CATSPERD: variants seen among roughly 807,000 people sequenced by gnomAD.
The protein encoded by CATSPERD is catsper channel auxiliary subunit delta, also known as cation channel sperm-associated auxiliary subunit delta.
Under a neutral mutation model 98.1 loss-of-function variants are expected in CATSPERD, and 86 were observed. The ratio of observed to expected loss-of-function variants is 0.88; its 90% CI spans 0.74 to 1.05. The LOEUF is 1.05. Among genes scored for constraint, CATSPERD ranks in the 50% least tolerant of loss-of-function variants. The probability of loss-of-function intolerance (pLI) is 0.00; values close to 1 mark genes in which losing one functional copy is unlikely to be tolerated. For missense variants in CATSPERD, 995 were observed against 1,005.7 expected (o/e 0.99, Z 0.14); for synonymous variants, 394 against 390.2 (o/e 1.01, Z -0.12).
At chr19:5,757,297 CT>C (rs77064500) in intron 13 of CATSPERD, among the ~76,000 whole-genome samples, 93,587 of 119,304 alleles carry the variant, frequency 0.78, 35,755 homozygotes, top group South Asian at 0.86. Context: ...TTTTCAACTT[CT>C]TTTTTTTTTT....
In CATSPERD at chr19:5,765,518, A is replaced by G. The variant is rs73546710; in HGVS notation, c.1507-585A>G. 5.2e-3 allele frequency among the ~76,000 whole-genome samples: 789 copies of G among 151,906 alleles called. 4 individuals are homozygous for G. Among genetic ancestry groups the G allele is most frequent in the African/African-American group, 0.017 (710 of 41,424 alleles). On this transcript the variant is annotated intron_variant, in intron 16 of 21. Transcript: ENST00000381624. Reference sequence around the variant, plus strand: ...GTACCAGGGATCATGCTGGGCTCATAAATTAGTTCTGGGCCTGGCATGGTG... The same window carrying G: ...GTACCAGGGATCATGCTGGGCTCATGAATTAGTTCTGGGCCTGGCATGGTG...
rs1220385912 is a variant in CATSPERD, at chr19:5,759,141, C to A, written c.1424C>A (p.Ser475Tyr). 2 of 1,613,680 alleles carry A rather than the reference C, an allele frequency of 1.2e-6. No homozygotes were observed. Among genetic ancestry groups the A allele is most frequent in the Non-Finnish European group, 8.5e-7 (1 of 1,179,844 alleles). ...HWGRTDSNFT[S>Y]SLKKATMSTL... ...GGCAGGACCGACTCCAACTTCACTT[C>A]CAGGTATGTTGTCTCCTGGGAGAGG... Residue 475 changes from serine to tyrosine, a missense_variant, in exon 15 of 22, where the codon TCC becomes TAC. Ser to Tyr is a moderately radical substitution (Grantham distance 144). Around this residue, in one of 3 missense-constraint regions of CATSPERD, gnomAD observed 762 missense variants for 773.7 expected, o/e 0.98. Transcript: ENST00000381624.
intron 5 of CATSPERD, among the ~76,000 whole-genome samples, chr19:5,736,619 CA>C (rs2055851228): frequency 2.6e-5 from 4 of 152,052 alleles, no homozygotes; most frequent in Non-Finnish European, 5.9e-5. Context: ...GAGGCTGAGG[CA>C]GGAGAATCGT....
At chr19:5,754,092 C>T in intron 12 of CATSPERD, 40 bp from the exon 13 acceptor site, 1 of 1,388,092 alleles carries the variant, frequency 7.2e-7, no homozygotes, top group Non-Finnish European at 1.0e-6. Flanking sequence ...TTTATGGGAA[C>T]AGGAGCATGA....
chr19:5,761,864 T>C (rs1393728314), intron 15 of CATSPERD, among the ~76,000 whole-genome samples: 1 of 150,972 alleles, frequency 6.6e-6, no homozygotes, highest in Admixed American at 6.7e-5. Flanking sequence ...TAGCTGGGAC[T>C]ACAGGCGTGT....
At chr19:5,769,591 G>A (rs1263212210) in intron 18 of CATSPERD, among the ~76,000 whole-genome samples, 2 of 152,062 alleles carry the variant, frequency 1.3e-5, no homozygotes, top group Non-Finnish European at 2.9e-5. Flanking sequence ...ACACTTCCAT[G>A]TGATTTGTAA....
chr19:5,746,761 G>A (rs2056102789), intron 9 of CATSPERD, among the ~76,000 whole-genome samples: 1 of 151,942 alleles, frequency 6.6e-6, no homozygotes, highest in South Asian at 2.1e-4. Context: ...AAGGCTAATG[G>A]TTGTATTCCT....
intron 16 of CATSPERD, among the ~76,000 whole-genome samples, chr19:5,764,464 T>C (rs8112495): frequency 0.82 from 124,144 of 150,674 alleles, 51,316 homozygotes; most frequent in Non-Finnish European, 0.86. Flanking sequence ...TACAGGCGCC[T>C]GCCACCATGC....
Position 5,754,103 on chromosome 19 carries a change from T to C in CATSPERD, c.1165-29T>C, listed in dbSNP as rs777354438. Reference sequence around the variant, plus strand: ...TTTCTTTATGGGAACAGGAGCATGATTATCTTTCTTCTTCGCCTTTTTAAC... The same window carrying C: ...TTTCTTTATGGGAACAGGAGCATGACTATCTTTCTTCTTCGCCTTTTTAAC... On this transcript the variant is annotated intron_variant, in intron 12 of 21. Coordinates refer to ENST00000381624, the MANE Select transcript of CATSPERD (RefSeq NM_152784.4). 6.9e-6 allele frequency: 10 copies of C among 1,456,946 alleles called. No individual in the cohort carries two copies. The South Asian group carries it at 1.1e-4, about 17-fold the overall frequency. The allele number at this position is 1,456,946 out of a possible 1,614,324, so 90.3% of individuals were successfully genotyped here. A position where few individuals can be genotyped will look rare whatever the true frequency, so the allele number is the denominator to read the frequency against.
intron 7 of CATSPERD, among the ~76,000 whole-genome samples, chr19:5,743,289 G>A (rs796922196): frequency 6.7e-5 from 10 of 150,094 alleles, no homozygotes; most frequent in African/African-American, 2.2e-4. Context: ...GGCGACAAGA[G>A]TGTAACTCTG....
intron 7 of CATSPERD, among the ~76,000 whole-genome samples, chr19:5,741,253 A>G (rs1347882064): frequency 1.3e-5 from 2 of 152,086 alleles, no homozygotes; most frequent in East Asian, 3.9e-4. Context: ...CCCAAAATTT[A>G]TGTCAACCTG....
intron 7 of CATSPERD, among the ~76,000 whole-genome samples, chr19:5,742,986 G>A (rs1207871244): frequency 6.6e-6 from 1 of 152,054 alleles, no homozygotes; most frequent in Non-Finnish European, 1.5e-5. Flanking sequence ...CATGGCAAAA[G>A]GAACTTTGCA....
In CATSPERD at chr19:5,745,621, AAAAATAAAAT is replaced by A. The variant is rs370829150; in HGVS notation, c.658-273_658-264del. Among the ~76,000 whole-genome samples the A allele has an allele frequency of 5.8e-3, 888 of 152,248 alleles. 8 individuals are homozygous for A. Among genetic ancestry groups the A allele is most frequent in the African/African-American group, 0.02 (848 of 41,548 alleles). On this transcript the variant is annotated intron_variant, in intron 8 of 21. Transcript: ENST00000381624. ...GGGCAACAGAGCCAGACTCCACCTC[AAAAATAAAAT>A]AAAATAAAATAAAATAAATCTTCAA... is the stretch of plus-strand genomic sequence containing the variant.
At position 5,772,739 on chromosome 19, in the gene CATSPERD, T is replaced by C. The variant is rs201019591; in HGVS notation, c.1764-49T>C. 1.6e-4 allele frequency: 254 copies of C among 1,566,402 alleles called. 3 individuals are homozygous for C. In the East Asian group the frequency reaches 5.4e-3, roughly 33 times the overall value. ...CAGGTGGCTGTGGCCCGGGTCTTCC[T>C]GGGTTGTCCCTGCTCCCTGCACAGC... On this transcript the variant is annotated intron_variant, in intron 19 of 21. Coordinates refer to ENST00000381624, the MANE Select transcript of CATSPERD (RefSeq NM_152784.4).
At position 5,746,595 on chromosome 19, in the gene CATSPERD, A is replaced by AT. The variant is rs920861269; in HGVS notation, c.808+543dup. Among the ~76,000 whole-genome samples the AT allele has an allele frequency of 4.6e-3, 678 of 146,678 alleles. 6 individuals are homozygous for AT. Among genetic ancestry groups the AT allele is most frequent in the African/African-American group, 0.015 (606 of 40,248 alleles). ...AGGCGCCCAGCACCATGCCCGGCTAATTTTTTTTTTTGTATTTTTAGTAGA... is the reference window on the plus strand; with the variant it reads ...AGGCGCCCAGCACCATGCCCGGCTAATTTTTTTTTTTTGTATTTTTAGTAGA... On this transcript the variant is annotated intron_variant, in intron 9 of 21. Transcript: ENST00000381624.
At position 5,734,638 on chromosome 19, in the gene CATSPERD, CA is replaced by C. The variant is rs200162231; in HGVS notation, c.391+681del. 7.6e-4 allele frequency among the ~76,000 whole-genome samples: 108 copies of C among 142,192 alleles called. 1 individual carries two copies. Among genetic ancestry groups the C allele is most frequent in the Admixed American group, 1.4e-3 (20 of 14,140 alleles). 93.3% of individuals were successfully genotyped at this position (142,192 alleles called of 152,430 possible). ...GGGCAACAAGAGCAAAACTCTGTCTCAAAAAAAAAAAAATTAGCTGGGTGTG... is the reference window on the plus strand; with the variant it reads ...GGGCAACAAGAGCAAAACTCTGTCTCAAAAAAAAAAAATTAGCTGGGTGTG... On this transcript the variant is annotated intron_variant, in intron 5 of 21. Transcript: ENST00000381624.
At chr19:5,750,854 TCTTC>T (rs1344703536) in intron 11 of CATSPERD, among the ~76,000 whole-genome samples, 1 of 151,984 alleles carries the variant, frequency 6.6e-6, no homozygotes, top group Non-Finnish European at 1.5e-5. Context: ...TTCTTTCCTT[TCTTC>T]CTTCCTTTCT....
At chr19:5,721,119 C>T (rs2055459446) in intron 1 of CATSPERD, among the ~76,000 whole-genome samples, 1 of 151,466 alleles carries the variant, frequency 6.6e-6, no homozygotes, top group South Asian at 2.1e-4. Flanking sequence ...CTGCCTCAGC[C>T]TCCTGAGTAG....
Position 5,720,784 on chromosome 19 carries a change from C to A in CATSPERD, c.47C>A (p.Pro16Gln). 6.2e-7 allele frequency: 1 copy of A among 1,602,092 alleles called. No individual in the cohort carries two copies. The highest frequency in any genetic ancestry group is 8.5e-7 in the Non-Finnish European group (1 of 1,179,320). The stretch of plus-strand genomic sequence containing the variant: ...GCGGCTGTGACCATGTGGCTCCGAC[C>A]GCTGGTCACAGCTCAGCTCTGTCGG... ...LVAAVTMWLRPLVTAQLCRSR... is the reference protein window; with the variant it reads ...LVAAVTMWLRQLVTAQLCRSR... The change falls in exon 1 of 22, where the codon CCG becomes CAG. Residue 16 changes from proline to glutamine, a missense_variant. Pro to Gln is a moderately conservative substitution (Grantham distance 76). Around this residue, in one of 3 missense-constraint regions of CATSPERD, gnomAD observed 228 missense variants for 209.6 expected, o/e 1.09. Coordinates refer to ENST00000381624, the MANE Select transcript of CATSPERD (RefSeq NM_152784.4).
Sources: allele counts gnomAD v4.1 joint callset (sites outside exome capture counted in the v4.1 genomes callset), GRCh38; gene constraint gnomAD v4.1.1; regional missense constraint gnomAD v4.1.1; transcripts MANE v1.5; gene names NCBI Gene and HGNC (gene_info 2026-07-23, HGNC 2026-07-21).